CACNA2D3: variants seen among roughly 807,000 people sequenced by gnomAD.
The protein encoded by CACNA2D3 is calcium voltage-gated channel auxiliary subunit alpha2delta 3, also known as voltage-dependent calcium channel subunit alpha-2/delta-3.
In CACNA2D3, 60 loss-of-function variants were observed where a neutral mutation model predicts 160.6. The ratio of observed to expected loss-of-function variants is 0.37; its 90% CI spans 0.30 to 0.46. CACNA2D3 has a LOEUF of 0.46. Ranked by LOEUF, CACNA2D3 falls within the 20% of genes least tolerant of loss-of-function variation. CACNA2D3 has a pLI of 1.00. For synonymous variants in CACNA2D3, 558 were observed against 492.9 expected, an observed-to-expected ratio of 1.13 and a Z score of -1.75; for missense variants, 1,205 against 1,365.0, an observed-to-expected ratio of 0.88 and a Z score of 1.85.
At chr3:54,746,757 G>T (rs1701760055) in intron 11 of CACNA2D3, among the ~76,000 whole-genome samples, 1 of 152,040 alleles carries the variant, frequency 6.6e-6, no homozygotes, top group African/African-American at 2.4e-5. Flanking sequence ...GCTCATAAGT[G>T]CTTGGTCTCC....
At chr3:54,822,832 T>TTTCTTTCTTTTCTTTC (rs1553874401) in intron 14 of CACNA2D3, among the ~76,000 whole-genome samples, 19 of 58,022 alleles carry the variant, frequency 3.3e-4, no homozygotes, top group African/African-American at 1.1e-3. Context: ...TCTTTCTTTC[T>TTTCTTTCTTTTCTTTC]TTTCTTTCTT....
intron 4 of CACNA2D3, among the ~76,000 whole-genome samples, chr3:54,388,982 TAATA>T (rs1275053049): frequency 6.6e-6 from 1 of 151,474 alleles, no homozygotes; most frequent in Non-Finnish European, 1.5e-5. Flanking sequence ...GTCCGCTTGA[TAATA>T]AATAAACAGA....
chr3:54,316,692 C>G (rs915294391), intron 2 of CACNA2D3, among the ~76,000 whole-genome samples: 1 of 152,158 alleles, frequency 6.6e-6, no homozygotes, highest in Non-Finnish European at 1.5e-5. Flanking sequence ...CACCAGTAGT[C>G]CTGGGAGACT....
intron 11 of CACNA2D3, among the ~76,000 whole-genome samples, chr3:54,692,014 G>T (rs1042647621): frequency 2.0e-5 from 3 of 150,812 alleles, no homozygotes; most frequent in Non-Finnish European, 4.4e-5. Flanking sequence ...AGTCTCACTT[G>T]TCCAGGCTGG....
intron 5 of CACNA2D3, among the ~76,000 whole-genome samples, chr3:54,551,855 G>A (rs966052049): frequency 1.4e-4 from 22 of 152,202 alleles, no homozygotes; most frequent in Non-Finnish European, 2.4e-4. Context: ...TTTCCAAAAT[G>A]AGCCTTATGT....
intron 35 of CACNA2D3, among the ~76,000 whole-genome samples, chr3:55,038,980 A>G (rs1703898324): frequency 6.7e-6 from 1 of 150,028 alleles, no homozygotes; most frequent in Non-Finnish European, 1.5e-5. Flanking sequence ...GATGGACTAG[A>G]CTAGAGCTGT....
chr3:54,921,656 C>T (rs1195978046), intron 27 of CACNA2D3, among the ~76,000 whole-genome samples: 1 of 152,080 alleles, frequency 6.6e-6, no homozygotes, highest in Non-Finnish European at 1.5e-5. Context: ...ATAAAGCCCC[C>T]GTGTAATCCG....
intron 13 of CACNA2D3, among the ~76,000 whole-genome samples, chr3:54,773,050 G>A (rs994575537): frequency 1.3e-5 from 2 of 152,158 alleles, no homozygotes; most frequent in South Asian, 2.1e-4. Flanking sequence ...TGCCCCTCCC[G>A]TTTGCTGGTA....
chr3:54,948,810 G>T (rs1279590595), intron 27 of CACNA2D3, among the ~76,000 whole-genome samples: 1 of 152,192 alleles, frequency 6.6e-6, no homozygotes, highest in African/African-American at 2.4e-5. Flanking sequence ...CTAGACTACA[G>T]TTGCATCTGT....
At chr3:54,775,632 G>A (rs544129976) in intron 13 of CACNA2D3, among the ~76,000 whole-genome samples, 1 of 152,268 alleles carries the variant, frequency 6.6e-6, no homozygotes, top group Non-Finnish European at 1.5e-5. Context: ...GATGGCTATG[G>A]GGATTGGCAG....
intron 18 of CACNA2D3, among the ~76,000 whole-genome samples, chr3:54,878,524 A>C (rs1052968752): frequency 6.6e-6 from 1 of 150,878 alleles, no homozygotes; most frequent in Non-Finnish European, 1.5e-5. Context: ...GCATTTAAAG[A>C]TGATTCATCT....
chr3:54,626,990 G>A (rs930815462), intron 9 of CACNA2D3, among the ~76,000 whole-genome samples: 1 of 152,192 alleles, frequency 6.6e-6, no homozygotes, highest in African/African-American at 2.4e-5. Flanking sequence ...GCCTACTCTG[G>A]AAGAGCCTCA....
At chr3:54,164,472 C>T (rs964115831) in intron 2 of CACNA2D3, among the ~76,000 whole-genome samples, 2 of 152,226 alleles carry the variant, frequency 1.3e-5, no homozygotes, top group Non-Finnish European at 2.9e-5. Context: ...CCTGGAATTA[C>T]CTTTGTCATT....
chr3:54,886,674 G>A (rs1303143075), intron 23 of CACNA2D3, among the ~76,000 whole-genome samples: 1 of 151,688 alleles, frequency 6.6e-6, no homozygotes, highest in East Asian at 1.9e-4. Context: ...ACAATATGTA[G>A]CATTAATTTT....
chr3:54,965,845 A>G (rs1702136300), intron 27 of CACNA2D3, among the ~76,000 whole-genome samples: 1 of 152,158 alleles, frequency 6.6e-6, no homozygotes, highest in African/African-American at 2.4e-5. Flanking sequence ...CTCATGGTGC[A>G]GGCAGGGGTG....
chr3:54,907,877 C>T (rs1471136688), intron 27 of CACNA2D3, among the ~76,000 whole-genome samples: 1 of 152,080 alleles, frequency 6.6e-6, no homozygotes, highest in Non-Finnish European at 1.5e-5. Flanking sequence ...TTTTTATGAT[C>T]CATCTACATT....
intron 21 of CACNA2D3, 95 bp downstream of exon 21, chr3:54,880,958 C>T: frequency 1.0e-6 from 1 of 979,198 alleles, no homozygotes; most frequent in Non-Finnish European, 1.7e-6. Context: ...CATCTGTCCG[C>T]ACCTGTGACC....
chr3:54,809,003 C>T lies in CACNA2D3; in HGVS notation c.1381-7850C>T, dbSNP rs182576246. Among the ~76,000 whole-genome samples the T allele has an allele frequency of 5.3e-5, 8 of 152,240 alleles. No homozygotes were observed. The East Asian group carries it at 1.4e-3, about 26-fold the overall frequency. On this transcript the variant is annotated intron_variant, in intron 13 of 37. Transcript: ENST00000474759. ...CGTAAAGACTCAATATGCATTAGCTCGTTTAATCCTCACATTAATCTCATG... is the reference window on the plus strand; with the variant it reads ...CGTAAAGACTCAATATGCATTAGCTTGTTTAATCCTCACATTAATCTCATG...
chr3:55,004,921 A>T (rs1703059034), intron 32 of CACNA2D3, 83 bp downstream of exon 32: 1 of 942,688 alleles, frequency 1.1e-6, no homozygotes, highest in Non-Finnish European at 1.7e-6. Flanking sequence ...TCTTTGGAGT[A>T]ATCAAGTTTA....
Sources: allele counts gnomAD v4.1 joint callset (sites outside exome capture counted in the v4.1 genomes callset), GRCh38; gene constraint gnomAD v4.1.1; transcripts MANE v1.5; gene names NCBI Gene and HGNC (gene_info 2026-07-23, HGNC 2026-07-21).